Variants in PLEKHH2 observed in about 807,000 individuals in gnomAD.
The protein encoded by PLEKHH2 is pleckstrin homology, MyTH4 and FERM domain containing H2.
Under a neutral mutation model 187.9 loss-of-function variants are expected in PLEKHH2, and 129 were observed. That is an observed-to-expected ratio of 0.69 (90% CI 0.59 to 0.79). The LOEUF (loss-of-function observed/expected upper bound fraction) is 0.79. PLEKHH2 is among the 30% of genes least tolerant of loss of function. The pLI is 0.00. For synonymous variants in PLEKHH2, 686 were observed against 605.6 expected, an observed-to-expected ratio of 1.13 and a Z score of -1.95; for missense variants, 2,076 against 1,751.2, an observed-to-expected ratio of 1.19 and a Z score of -3.31.
intron 2 of PLEKHH2, among the ~76,000 whole-genome samples, chr2:43,648,558 T>C (rs571883843): frequency 1.5e-3 from 166 of 107,150 alleles, no homozygotes; most frequent in Admixed American, 2.4e-3. Context: ...TGTAATTACA[T>C]TCGTGTGTGT....
chr2:43,650,650 CTT>C (rs111734015), intron 2 of PLEKHH2, among the ~76,000 whole-genome samples: 7 of 141,372 alleles, frequency 5.0e-5, no homozygotes, highest in Non-Finnish European at 4.7e-5. Context: ...TTTCTTTTTT[CTT>C]TTTTTTTTTT....
At chr2:43,672,532 C>T (rs554182011) in intron 2 of PLEKHH2, among the ~76,000 whole-genome samples, 2 of 152,318 alleles carry the variant, frequency 1.3e-5, no homozygotes, top group African/African-American at 4.8e-5. Context: ...TCACTAATGA[C>T]CTCCTAATTA....
intron 2 of PLEKHH2, among the ~76,000 whole-genome samples, chr2:43,655,691 C>T (rs1290100095): frequency 6.6e-6 from 1 of 152,102 alleles, no homozygotes; most frequent in Non-Finnish European, 1.5e-5. Flanking sequence ...CTTTGAAAGC[C>T]TAAGGTTGTG....
chr2:43,696,188 C>G (rs1417489795), intron 6 of PLEKHH2, among the ~76,000 whole-genome samples: 1 of 152,084 alleles, frequency 6.6e-6, no homozygotes, highest in Non-Finnish European at 1.5e-5. Flanking sequence ...GGCTGGGCCA[C>G]TGGGCCAGGC....
intron 16 of PLEKHH2, among the ~76,000 whole-genome samples, chr2:43,722,755 C>T (rs1176213668): frequency 6.6e-6 from 1 of 152,062 alleles, no homozygotes; most frequent in Non-Finnish European, 1.5e-5. Flanking sequence ...AAAATCCTTT[C>T]CATACTTACC....
chr2:43,675,014 C>T (rs531993947), intron 2 of PLEKHH2: 33 of 161,768 alleles, frequency 2.0e-4, no homozygotes, highest in Non-Finnish European at 3.5e-4. Context: ...GCCATGTGGA[C>T]AGGCAGTTAA....
At chr2:43,688,283 CAATCTAAACA>C (rs1032892140) in intron 3 of PLEKHH2, among the ~76,000 whole-genome samples, 10 of 152,166 alleles carry the variant, frequency 6.6e-5, no homozygotes, top group Non-Finnish European at 1.3e-4. Flanking sequence ...TGAATCTAAA[CAATCTAAACA>C]AATCTAAACA....
intron 3 of PLEKHH2, among the ~76,000 whole-genome samples, chr2:43,689,350 T>C (rs1285111384): frequency 6.6e-6 from 1 of 152,206 alleles, no homozygotes; most frequent in Non-Finnish European, 1.5e-5. Flanking sequence ...ACAGGAAGCA[T>C]TCCACACTGG....
At chr2:43,730,907 C>T (rs771197843) in intron 18 of PLEKHH2, among the ~76,000 whole-genome samples, 23 of 152,158 alleles carry the variant, frequency 1.5e-4, no homozygotes, top group Non-Finnish European at 3.2e-4. Flanking sequence ...TAGATCTTTC[C>T]CCAGCTCTTT....
intron 15 of PLEKHH2, among the ~76,000 whole-genome samples, chr2:43,720,412 A>T (rs1260375198): frequency 6.6e-6 from 1 of 152,046 alleles, no homozygotes; most frequent in African/African-American, 2.4e-5. Context: ...ATAGTACCCG[A>T]TAGGTAGCTT....
At chr2:43,647,539 T>C (rs1666239921) in intron 2 of PLEKHH2, among the ~76,000 whole-genome samples, 1 of 152,140 alleles carries the variant, frequency 6.6e-6, no homozygotes, top group Non-Finnish European at 1.5e-5. Context: ...CCACTTCTGC[T>C]TGGGGGCAGC....
At chr2:43,757,043 G>C (rs954306328) in intron 25 of PLEKHH2, 76 bp from the exon 26 acceptor site, 1 of 1,201,122 alleles carries the variant, frequency 8.3e-7, no homozygotes, top group Non-Finnish European at 1.1e-6. Context: ...AGAATGTTTA[G>C]AAAAAATAAA....
chr2:43,688,544 T>C (rs1325180257), intron 3 of PLEKHH2, among the ~76,000 whole-genome samples: 2 of 152,322 alleles, frequency 1.3e-5, no homozygotes, highest in Non-Finnish European at 2.9e-5. Flanking sequence ...ATAATTACAA[T>C]GGGAGTAATA....
chr2:43,669,533 A>G (rs898650872), intron 2 of PLEKHH2, among the ~76,000 whole-genome samples: 1 of 152,212 alleles, frequency 6.6e-6, no homozygotes, highest in South Asian at 2.1e-4. Context: ...ATGATATAAG[A>G]CACGAATAGC....
rs368654032 is a variant in PLEKHH2 at position 43,765,636 on chromosome 2, T to G, written c.*38T>G. On this transcript the variant is annotated 3_prime_UTR_variant, in exon 30 of 30. Transcript: ENST00000282406. ...CTGAACATTCACTCCTTGTCCTCCA[T>G]GCTGTGGCTGTATCAGCTCCCTACA... 6.3e-7 allele frequency: 1 copy of G among 1,590,990 alleles called. No homozygotes were observed. The highest frequency in any genetic ancestry group is 1.1e-5 in the South Asian group (1 of 87,376).
chr2:43,675,572 G>A lies in PLEKHH2; in HGVS notation c.124-3291G>A, dbSNP rs543576770. The A allele has an allele frequency of 3.0e-5, 49 of 1,613,724 alleles. No individual in the cohort carries two copies. In the South Asian group the frequency reaches 5.1e-4, roughly 17 times the overall value. The stretch of plus-strand genomic sequence containing the variant: ...TTATTAGACAATGCCTCTTCAATAA[G>A]CTGTGCGATTGGTTTTGTATTAAAT... On this transcript the variant is annotated intron_variant, in intron 2 of 29. Coordinates refer to ENST00000282406, the MANE Select transcript of PLEKHH2 (RefSeq NM_172069.4).
chr2:43,706,300 G>T (rs764088314), intron 9 of PLEKHH2, 22 bp from the exon 10 acceptor site: 3 of 1,526,294 alleles, frequency 2.0e-6, no homozygotes, highest in African/African-American at 1.4e-5. Context: ...TTAAAATGTT[G>T]TTTCCTGTTT....
chr2:43,655,763 C>T (rs900619244), intron 2 of PLEKHH2, among the ~76,000 whole-genome samples: 2 of 152,088 alleles, frequency 1.3e-5, no homozygotes, highest in African/African-American at 4.8e-5. Flanking sequence ...TGAGATTTTT[C>T]GTCTGGGAGA....
chr2:43,676,364 T>C, intron 2 of PLEKHH2: 3 of 1,502,290 alleles, frequency 2.0e-6, no homozygotes, highest in Non-Finnish European at 2.7e-6. Context: ...AAAGGCAGCC[T>C]GGGACCGGGT....
Sources: gnomAD v4.1 joint callset for allele counts (sites outside exome capture counted in the v4.1 genomes callset) on GRCh38, gnomAD v4.1.1 for gene constraint, MANE v1.5 for transcripts, NCBI Gene and HGNC (gene_info 2026-07-23, HGNC 2026-07-21) for gene names.